Variants in SAMD4A observed in about 807,000 individuals in gnomAD.
SAMD4A encodes the protein protein Smaug homolog 1.
SAMD4A carries 33 observed loss-of-function variants against 81.3 expected under a neutral mutation model. The ratio of observed to expected loss-of-function variants is 0.41; its 90% CI spans 0.31 to 0.54. The LOEUF (loss-of-function observed/expected upper bound fraction) is 0.54, where lower values mean the gene tolerates loss of function less well. SAMD4A is among the 20% of genes least tolerant of loss of function. The pLI, the probability that SAMD4A is intolerant of heterozygous loss-of-function variation, is 0.37. For synonymous variants in SAMD4A, 389 were observed against 382.1 expected (o/e 1.02, Z -0.21); for missense variants, 854 against 951.1 (o/e 0.90, Z 1.34).
intron 4 of SAMD4A, among the ~76,000 whole-genome samples, chr14:54,742,820 G>C (rs947062897): frequency 6.6e-6 from 1 of 152,196 alleles, no homozygotes; most frequent in African/African-American, 2.4e-5. Flanking sequence ...CTGGCCCCAG[G>C]AACCTTGATG....
chr14:54,724,849 A>C (rs1046886206), intron 3 of SAMD4A, among the ~76,000 whole-genome samples: 1 of 152,232 alleles, frequency 6.6e-6, no homozygotes, highest in Non-Finnish European at 1.5e-5. Flanking sequence ...TACTGGTATC[A>C]TAAGGCAGAC....
At position 54,791,633 on chromosome 14, in the gene SAMD4A, G is replaced by C. The variant is rs2039261181; in HGVS notation, c.*2689G>C. 6.6e-6 allele frequency: 1 copy of C among 152,014 alleles called. No homozygotes were observed. The highest frequency in any genetic ancestry group is 6.5e-5 in the Admixed American group (1 of 15,270). The allele number at this position is 152,014 out of a possible 1,614,324, so 9.4% of individuals were successfully genotyped here. On this transcript the variant is annotated 3_prime_UTR_variant, in exon 13 of 13. Coordinates refer to ENST00000554335, the MANE Select transcript of SAMD4A (RefSeq NM_015589.6). Reference sequence around the variant, plus strand: ...GACAGTGTATAGATTTATCTACTTAGTTGTGTTTTGCTATTAGTGTTTTAA... The same window carrying C: ...GACAGTGTATAGATTTATCTACTTACTTGTGTTTTGCTATTAGTGTTTTAA...
intron 2 of SAMD4A, among the ~76,000 whole-genome samples, chr14:54,671,182 G>C (rs181970125): frequency 6.6e-6 from 1 of 152,220 alleles, no homozygotes; most frequent in Non-Finnish European, 1.5e-5. Flanking sequence ...CTGGAACTTG[G>C]AAGGAAAAAG....
At chr14:54,625,536 T>A (rs184990272) in intron 2 of SAMD4A, among the ~76,000 whole-genome samples, 23 of 152,360 alleles carry the variant, frequency 1.5e-4, no homozygotes, top group Non-Finnish European at 2.6e-4. Context: ...GGGGCTTGTT[T>A]ATTGACAAAC....
intron 2 of SAMD4A, among the ~76,000 whole-genome samples, chr14:54,697,842 G>T (rs1176144954): frequency 6.6e-6 from 1 of 152,138 alleles, no homozygotes; most frequent in Non-Finnish European, 1.5e-5. Context: ...TTCCAAGATG[G>T]TTCCCTCATA....
At chr14:54,640,525 T>C (rs1168061680) in intron 2 of SAMD4A, among the ~76,000 whole-genome samples, 1 of 152,168 alleles carries the variant, frequency 6.6e-6, no homozygotes, top group African/African-American at 2.4e-5. Flanking sequence ...TTTATGCTAT[T>C]CTGGTTCGAT....
At chr14:54,724,078 AC>A (rs372335682) in intron 3 of SAMD4A, among the ~76,000 whole-genome samples, 3 of 149,080 alleles carry the variant, frequency 2.0e-5, no homozygotes, top group South Asian at 2.1e-4. Context: ...TATTCATAGG[AC>A]CCCCACAGCA....
chr14:54,714,038 G>A (rs961179875), intron 3 of SAMD4A, among the ~76,000 whole-genome samples: 5 of 152,042 alleles, frequency 3.3e-5, no homozygotes, highest in Non-Finnish European at 7.4e-5. Flanking sequence ...TTTAAAGAAG[G>A]GAATCATAAC....
intron 2 of SAMD4A, among the ~76,000 whole-genome samples, chr14:54,661,830 A>C (rs1261653154): frequency 6.6e-6 from 1 of 152,214 alleles, no homozygotes; most frequent in Non-Finnish European, 1.5e-5. Flanking sequence ...TTACATTAAC[A>C]ATTGTTTACC....
chr14:54,654,254 C>T (rs1453175066), intron 2 of SAMD4A, among the ~76,000 whole-genome samples: 2 of 152,214 alleles, frequency 1.3e-5, no homozygotes, highest in Non-Finnish European at 2.9e-5. Flanking sequence ...CTCTGCCCAG[C>T]ATGTCAGCTT....
intron 3 of SAMD4A, among the ~76,000 whole-genome samples, chr14:54,706,896 T>C (rs1360356052): frequency 6.6e-6 from 1 of 151,996 alleles, no homozygotes; most frequent in Non-Finnish European, 1.5e-5. Flanking sequence ...ACCCTAGGCA[T>C]AGGAGTGACA....
intron 6 of SAMD4A, 149 bp from the exon 7 acceptor site, chr14:54,760,011 AC>A (rs1368111530): frequency 1.4e-6 from 1 of 712,898 alleles, no homozygotes. Context: ...GAATGATGAA[AC>A]GAAAGTGGTC....
chr14:54,721,362 C>T (rs2140861445), intron 3 of SAMD4A, among the ~76,000 whole-genome samples: 1 of 152,288 alleles, frequency 6.6e-6, no homozygotes, highest in East Asian at 1.9e-4. Context: ...ATCTTATCCA[C>T]AATTATTTCA....
chr14:54,727,166 CTTTTTTTTTTTTTTTTTTTTTTTTT>C (rs567831973), intron 3 of SAMD4A, among the ~76,000 whole-genome samples: 28 of 59,184 alleles, frequency 4.7e-4, no homozygotes, highest in Non-Finnish European at 7.4e-4. Context: ...TCTTTTTTTC[CTTTTTTTTTTTTTTTTTTTTTTTTT>C]TTTTTTTTTT....
chr14:54,597,561 C>G (rs1287728478), intron 2 of SAMD4A, among the ~76,000 whole-genome samples: 1 of 150,266 alleles, frequency 6.7e-6, no homozygotes, highest in African/African-American at 2.4e-5. Flanking sequence ...GTGTGAGCCA[C>G]CGCACCCGGC....
At position 54,768,325 on chromosome 14, in the gene SAMD4A, G is replaced by A. The variant is rs547339422; in HGVS notation, c.1597-1779G>A. ...ATCTATTTGAACCGTTATTAAGAGC[G>A]AGGCACGTTCCAGGTATTCTAAGTG... On this transcript the variant is annotated intron_variant, in intron 8 of 12. Coordinates refer to ENST00000554335, the MANE Select transcript of SAMD4A (RefSeq NM_015589.6). 1.8e-4 allele frequency among the ~76,000 whole-genome samples: 28 copies of A among 152,324 alleles called. 2 individuals are homozygous for A. The South Asian group carries it at 5.2e-3, about 28-fold the overall frequency.
At chr14:54,641,561 C>T (rs1257431004) in intron 2 of SAMD4A, among the ~76,000 whole-genome samples, 2 of 152,148 alleles carry the variant, frequency 1.3e-5, no homozygotes, top group African/African-American at 4.8e-5. Flanking sequence ...TGCATTTAGT[C>T]CACATAGTGG....
chr14:54,624,052 T>G (rs947687651), intron 2 of SAMD4A, among the ~76,000 whole-genome samples: 3 of 152,208 alleles, frequency 2.0e-5, no homozygotes, highest in Non-Finnish European at 4.4e-5. Flanking sequence ...CTTGGCTCAC[T>G]GCAAACTCCG....
chr14:54,766,082 T>A (rs774698702), intron 8 of SAMD4A, among the ~76,000 whole-genome samples: 14 of 151,708 alleles, frequency 9.2e-5, no homozygotes, highest in South Asian at 2.1e-4. Context: ...GAAAAAAAAA[T>A]GGTTTTTTCC....
Sources: allele counts gnomAD v4.1 joint callset (sites outside exome capture counted in the v4.1 genomes callset), GRCh38; gene constraint gnomAD v4.1.1; transcripts MANE v1.5; gene names NCBI Gene and HGNC (gene_info 2026-07-23, HGNC 2026-07-21).